Variants in TPGS2 observed in about 807,000 individuals in gnomAD.
TPGS2 encodes tubulin polyglutamylase complex subunit 2.
TPGS2 carries 26 observed loss-of-function variants against 31.1 expected under a neutral mutation model. The ratio of observed to expected loss-of-function variants is 0.84; its 90% CI spans 0.61 to 1.16. The LOEUF (loss-of-function observed/expected upper bound fraction) is 1.16, where lower values mean the gene tolerates loss of function less well. TPGS2 is among the 50% of genes most tolerant of loss of function. TPGS2 has a pLI of 0.00. For synonymous variants in TPGS2, 130 were observed against 136.6 expected, an observed-to-expected ratio of 0.95 and a Z score of 0.34; for missense variants, 351 against 363.8, an observed-to-expected ratio of 0.96 and a Z score of 0.29.
In TPGS2 at chr18:36,796,453, T is replaced by C; in HGVS notation, c.*352A>G. Reference sequence around the variant, plus strand: ...GGCTCCTGAATGAACAATGCAGTTCTAATGCTTCATGGGTCAAAACCAGTG... The same window carrying C: ...GGCTCCTGAATGAACAATGCAGTTCCAATGCTTCATGGGTCAAAACCAGTG... On this transcript the variant is annotated 3_prime_UTR_variant, in exon 7 of 7. Coordinates refer to ENST00000334295, the MANE Select transcript of TPGS2 (RefSeq NM_015476.4). 9.5e-7 allele frequency: 1 copy of C among 1,050,108 alleles called. No homozygotes were observed. The highest frequency in any genetic ancestry group is 1.1e-6 in the Non-Finnish European group (1 of 873,316). 65.0% of individuals were successfully genotyped at this position (1,050,108 alleles called of 1,614,324 possible).
At chr18:36,819,035 A>C in intron 1 of TPGS2, 62 bp from the exon 2 acceptor site, 1 of 1,345,660 alleles carries the variant, frequency 7.4e-7, no homozygotes, top group Non-Finnish European at 1.1e-6. Flanking sequence ...TTTCTACGCT[A>C]GTTGTTGACT....
intron 3 of TPGS2, chr18:36,807,566 T>C: frequency 2.3e-6 from 1 of 426,186 alleles, no homozygotes; most frequent in Non-Finnish European, 4.1e-6. Flanking sequence ...GCTAGGGTTT[T>C]TTATGTAGTA....
chr18:36,801,739 T>C (rs557309265), intron 4 of TPGS2, among the ~76,000 whole-genome samples: 8 of 150,768 alleles, frequency 5.3e-5, no homozygotes, highest in Admixed American at 2.0e-4. Flanking sequence ...TCCCTTTGGC[T>C]GCATTTATGA....
intron 4 of TPGS2, among the ~76,000 whole-genome samples, chr18:36,800,832 G>A (rs377390326): frequency 1.3e-5 from 2 of 152,004 alleles, no homozygotes; most frequent in Non-Finnish European, 1.5e-5. Flanking sequence ...TGGGACTACC[G>A]GCATGTGCCA....
intron 6 of TPGS2, chr18:36,786,933 G>T: frequency 8.1e-7 from 1 of 1,234,396 alleles, no homozygotes; most frequent in East Asian, 3.2e-5. Context: ...ACACGCTACA[G>T]CTCCGGGGCT....
downstream of TPGS2, among the ~76,000 whole-genome samples, chr18:36,793,338 G>A (rs573836024): frequency 1.3e-5 from 2 of 152,298 alleles, no homozygotes; most frequent in East Asian, 3.9e-4. Flanking sequence ...GTCAGAGCTC[G>A]AAGAGATTCA....
At chr18:36,783,861 T>G (rs2044070231) in intron 6 of TPGS2, among the ~76,000 whole-genome samples, 1 of 152,182 alleles carries the variant, frequency 6.6e-6, no homozygotes, top group South Asian at 2.1e-4. Context: ...GTGATTAAAT[T>G]AAGGATCCTG....
At chr18:36,828,618 C>A in intron 1 of TPGS2, 65 bp downstream of exon 1, 1 of 1,576,140 alleles carries the variant, frequency 6.3e-7, no homozygotes. Flanking sequence ...CACCCCGCAC[C>A]TCATCCCTCC....
chr18:36,818,707 C>T, intron 2 of TPGS2, 187 bp downstream of exon 2: 1 of 517,710 alleles, frequency 1.9e-6, no homozygotes, highest in Non-Finnish European at 3.4e-6. Flanking sequence ...ACACTCCATG[C>T]TGGGTAAGTG....
At chr18:36,788,070 A>T (rs2044185032) in intron 6 of TPGS2, among the ~76,000 whole-genome samples, 1 of 152,170 alleles carries the variant, frequency 6.6e-6, no homozygotes, top group Non-Finnish European at 1.5e-5. Context: ...TGTGTTTGTG[A>T]ACAAATGTAA....
downstream of TPGS2, among the ~76,000 whole-genome samples, chr18:36,793,098 G>T (rs534679424): frequency 2.6e-5 from 4 of 152,304 alleles, no homozygotes; most frequent in South Asian, 4.1e-4. Flanking sequence ...GGTGACCTGT[G>T]CAGTCACACA....
chr18:36,825,528 T>G (rs1434738587), intron 1 of TPGS2, among the ~76,000 whole-genome samples: 3 of 152,190 alleles, frequency 2.0e-5, no homozygotes, highest in Non-Finnish European at 4.4e-5. Context: ...TCTAGTTTTA[T>G]GCCACTACCA....
rs925794782 is a variant in TPGS2 at position 36,794,545 on chromosome 18, CAT to C, written c.*2258_*2259del. 7.1e-6 allele frequency: 7 copies of C among 985,416 alleles called. No individual in the cohort carries two copies. The highest frequency in any genetic ancestry group is 1.7e-5 in the African/African-American group (1 of 57,338). 61.0% of individuals were successfully genotyped at this position (985,416 alleles called of 1,614,324 possible). ...GGGTATCTGCTGCAGTGGAAGATGA[CAT>C]AACTTCTCAACTCCCTTCTAACCTC... is the stretch of plus-strand genomic sequence containing the variant. On this transcript the variant is annotated 3_prime_UTR_variant, in exon 7 of 7. Transcript: ENST00000334295.
rs1310195060 is a variant in TPGS2 at position 36,795,068 on chromosome 18, C to G, written c.*1737G>C. ...AATATGGGGAAGCAGCCAGTTAGAG[C>G]TTGCCCTGATCCTTGAAGGCTAACT... On this transcript the variant is annotated 3_prime_UTR_variant, in exon 7 of 7. Coordinates refer to ENST00000334295, the MANE Select transcript of TPGS2 (RefSeq NM_015476.4). 1 of 985,448 alleles carries G rather than the reference C, an allele frequency of 1.0e-6. No homozygotes were observed. 61.0% of individuals were successfully genotyped at this position (985,448 alleles called of 1,614,324 possible). A position where few individuals can be genotyped will look rare whatever the true frequency, so the allele number is the denominator to read the frequency against.
intron 2 of TPGS2, among the ~76,000 whole-genome samples, chr18:36,814,508 T>C (rs912458287): frequency 1.3e-5 from 2 of 152,134 alleles, no homozygotes; most frequent in Admixed American, 1.3e-4. Context: ...ATTTGCAGTA[T>C]AGAATCACAA....
intron 2 of TPGS2, among the ~76,000 whole-genome samples, chr18:36,814,084 CA>C (rs1267166490): frequency 6.6e-6 from 1 of 152,188 alleles, no homozygotes; most frequent in Non-Finnish European, 1.5e-5. Flanking sequence ...ATGGTTTCAC[CA>C]TCAGTAAACT....
intron 5 of TPGS2, 123 bp downstream of exon 5, chr18:36,800,075 A>C: frequency 1.2e-6 from 1 of 812,952 alleles, no homozygotes; most frequent in South Asian, 1.7e-5. Context: ...TTTGGGACAC[A>C]CAAGGAACCT....
At chr18:36,792,650 C>A (rs1168566416), downstream of TPGS2, among the ~76,000 whole-genome samples, 1 of 152,090 alleles carries the variant, frequency 6.6e-6, no homozygotes, top group Non-Finnish European at 1.5e-5. Context: ...CCTTTCCTGG[C>A]AATTTTGATT....
rs760103484 is a variant in TPGS2 at position 36,828,818 on chromosome 18, C to G, written c.-51G>C. 1.3e-6 allele frequency: 2 copies of G among 1,597,504 alleles called. No homozygotes were observed. Among genetic ancestry groups the G allele is most frequent in the Admixed American group, 3.4e-5 (2 of 59,694 alleles). On this transcript the variant is annotated 5_prime_UTR_variant, in exon 1 of 7. Transcript: ENST00000334295. ...GCGGGAGCGGGTGGAGGGCCGGACC[C>G]CGCCTCAGCGCCGAGGCCAATTTCA...
Sources: allele counts gnomAD v4.1 joint callset (sites outside exome capture counted in the v4.1 genomes callset), GRCh38; gene constraint gnomAD v4.1.1; transcripts MANE v1.5; gene names NCBI Gene and HGNC (gene_info 2026-07-23, HGNC 2026-07-21).